The following KIAA1671 variants were observed in gnomAD, a reference collection of about 807,000 sequenced individuals.
KIAA1671 encodes KIAA1671.
KIAA1671 carries 52 observed loss-of-function variants against 131.2 expected under a neutral mutation model. The observed-to-expected ratio is 0.40, with a 90% CI of 0.32 to 0.50. The LOEUF is 0.50. Among genes scored for constraint, KIAA1671 ranks in the 20% least tolerant of loss-of-function variants. KIAA1671 has a pLI of 0.73. For missense variants in KIAA1671, 2,360 were observed against 2,364.2 expected (o/e 1.00, Z 0.04); for synonymous variants, 1,003 against 961.6 (o/e 1.04, Z -0.80).
chr22:25,108,058 A>G (rs1931120546), intron 6 of KIAA1671, among the ~76,000 whole-genome samples: 1 of 152,164 alleles, frequency 6.6e-6, no homozygotes, highest in Non-Finnish European at 1.5e-5. Flanking sequence ...TTCAATATGT[A>G]TGTCATTAAC....
chr22:25,114,866 C>T (rs769576013), intron 6 of KIAA1671, among the ~76,000 whole-genome samples: 24 of 152,174 alleles, frequency 1.6e-4, no homozygotes, highest in Non-Finnish European at 3.1e-4. Context: ...GTATCCGTGG[C>T]TGGGGCTGGG....
chr22:25,042,468 T>TTTG (rs1602092351), intron 5 of KIAA1671, among the ~76,000 whole-genome samples: 1 of 145,390 alleles, frequency 6.9e-6, no homozygotes, highest in Non-Finnish European at 1.5e-5. Context: ...CCCTTGTTTT[T>TTTG]TTTTTTTTTT....
In KIAA1671 at chr22:25,029,299, A is replaced by G; in HGVS notation, c.1300A>G (p.Arg434Gly). Reference protein sequence around the residue: ...EAAAGGEWASRRSVRKCISLF... With the variant: ...EAAAGGEWASGRSVRKCISLF... ...CGCGGCAGGGGGAGAGTGGGCCTCC[A>G]GGAGGAGTGTCAGGAAGTGCATCAG... is the stretch of plus-strand genomic sequence containing the variant. The change falls in exon 3 of 13, where the codon AGG becomes GGG. Residue 434 changes from arginine (R) to glycine (G), a missense_variant. Arg to Gly is a moderately radical substitution (Grantham distance 125). Around this residue, in one of 3 missense-constraint regions of KIAA1671, gnomAD observed 1,185 missense variants for 1,126.2 expected, o/e 1.05. Coordinates refer to ENST00000358431, the MANE Select transcript of KIAA1671 (RefSeq NM_001145206.2). 3 of 1,527,288 alleles carry G rather than the reference A, an allele frequency of 2.0e-6. No homozygotes were observed. Among genetic ancestry groups the G allele is most frequent in the Non-Finnish European group, 1.8e-6 (2 of 1,132,562 alleles). 94.6% of individuals were successfully genotyped at this position (1,527,288 alleles called of 1,614,324 possible).
intron 1 of KIAA1671, among the ~76,000 whole-genome samples, chr22:24,995,046 GTTT>G (rs199745960): frequency 2.2e-5 from 3 of 136,482 alleles, no homozygotes; most frequent in South Asian, 2.4e-4. Flanking sequence ...TGTATGTTAG[GTTT>G]TTTTTTTTTT....
chr22:25,055,786 A>G lies in KIAA1671; in HGVS notation c.4530+6422A>G, dbSNP rs1481336419. 5 of 113,810 alleles carry G rather than the reference A, an allele frequency of 4.4e-5. 2 individuals carry two copies. The South Asian group carries it at 1.2e-3, about 28-fold the overall frequency. 7.1% of individuals were successfully genotyped at this position (113,810 alleles called of 1,614,324 possible). The stretch of plus-strand genomic sequence containing the variant: ...GGAATACATACACACAAACATATAT[A>G]TAGATAGATATAGATAGATATAGAT... On this transcript the variant is annotated intron_variant, in intron 6 of 12. Coordinates refer to ENST00000358431, the MANE Select transcript of KIAA1671 (RefSeq NM_001145206.2).
chr22:25,029,171 A>G lies in KIAA1671; in HGVS notation c.1172A>G (p.Lys391Arg). 6.9e-7 allele frequency: 1 copy of G among 1,456,730 alleles called. No homozygotes were observed. The highest frequency in any genetic ancestry group is 9.1e-7 in the Non-Finnish European group (1 of 1,102,040). The allele number at this position is 1,456,730 out of a possible 1,614,324, so 90.2% of individuals were successfully genotyped here. A position where few individuals can be genotyped will look rare whatever the true frequency, so the allele number is the denominator to read the frequency against. Residue 391 changes from lysine to arginine, a missense_variant, in exon 3 of 13, where the codon AAG (lysine) becomes AGG (arginine). By Grantham distance (26) the Lys-to-Arg change is conservative. This residue lies in a region of KIAA1671 where 1,185 missense variants were observed against 1,126.2 expected (regional missense o/e 1.05). Coordinates refer to ENST00000358431, the MANE Select transcript of KIAA1671 (RefSeq NM_001145206.2). ...CAGAGTCCCTGGGAAGAAAAGGCCA[A>G]GCTGGACCCAGAGCCAGAGAAGGCT... ...NDQSPWEEKA[K>R]LDPEPEKAAE...
intron 1 of KIAA1671, among the ~76,000 whole-genome samples, chr22:25,018,285 A>T (rs17667326): frequency 8.0e-5 from 3 of 37,482 alleles, no homozygotes; most frequent in Non-Finnish European, 1.7e-4. Flanking sequence ...CTTTTAATAG[A>T]GATTCGCCTG....
chr22:25,070,383 C>T, intron 6 of KIAA1671: 1 of 513,860 alleles, frequency 1.9e-6, no homozygotes, highest in Non-Finnish European at 3.6e-6. Context: ...ATTACTACTG[C>T]CCCAGCCTGC....
intron 6 of KIAA1671, among the ~76,000 whole-genome samples, chr22:25,093,732 C>CTCTCTCTCTCTCTG (rs759879869): frequency 9.0e-6 from 1 of 111,602 alleles, no homozygotes; most frequent in Non-Finnish European, 1.8e-5. Context: ...CACACACACA[C>CTCTCTCTCTCTCTG]ACACACTCTC....
intron 6 of KIAA1671, among the ~76,000 whole-genome samples, chr22:25,126,526 G>T (rs1932192928): frequency 6.6e-6 from 1 of 152,222 alleles, no homozygotes; most frequent in African/African-American, 2.4e-5. Context: ...GTTTTTAAAT[G>T]AGCCCTAGGT....
At chr22:24,985,379 A>T (rs959175825) in intron 1 of KIAA1671, among the ~76,000 whole-genome samples, 2 of 150,242 alleles carry the variant, frequency 1.3e-5, no homozygotes, top group Non-Finnish European at 3.0e-5. Flanking sequence ...TCGCTCTGTC[A>T]CCCAGGCTGG....
rs566075444 is a variant in KIAA1671 at position 25,143,187 on chromosome 22, G to A, written c.4531-27633G>A. On this transcript the variant is annotated intron_variant, in intron 6 of 12. Transcript: ENST00000358431. ...GTGAGTGACATTCACCTTCCCTTCAGGGAGTTGCCAGTCAGCCAGGGGAAG... is the reference window on the plus strand; with the variant it reads ...GTGAGTGACATTCACCTTCCCTTCAAGGAGTTGCCAGTCAGCCAGGGGAAG... 5.7e-4 allele frequency among the ~76,000 whole-genome samples: 87 copies of A among 152,332 alleles called. 1 individual carries two copies. The highest frequency in any genetic ancestry group is 2.0e-3 in the African/African-American group (84 of 41,574).
rs1926352290 is a variant in KIAA1671 at position 25,032,555 on chromosome 22, T to TG, written c.1542-48dup. On this transcript the variant is annotated intron_variant, in intron 3 of 12. Transcript: ENST00000358431. Reference sequence around the variant, plus strand: ...TGGCCTCCTGAGCTGGTGTGTGGGCTGGGGGGAATAACAGCTTCCAGCTCC... The same window carrying TG: ...TGGCCTCCTGAGCTGGTGTGTGGGCTGGGGGGGAATAACAGCTTCCAGCTCC... The TG allele has an allele frequency of 3.4e-6, 4 of 1,167,028 alleles. No homozygotes were observed. In the African/African-American group the frequency reaches 6.1e-5, roughly 18 times the overall value. The allele number at this position is 1,167,028 out of a possible 1,614,324, so 72.3% of individuals were successfully genotyped here. A position where few individuals can be genotyped will look rare whatever the true frequency, so the allele number is the denominator to read the frequency against.
intron 6 of KIAA1671, among the ~76,000 whole-genome samples, chr22:25,115,502 G>A (rs1931604957): frequency 1.3e-5 from 2 of 152,096 alleles, no homozygotes; most frequent in Non-Finnish European, 2.9e-5. Flanking sequence ...CTGGTGGGTG[G>A]TTCAATGGGA....
chr22:25,124,156 T>C (rs1029124847), intron 6 of KIAA1671, among the ~76,000 whole-genome samples: 8 of 152,172 alleles, frequency 5.3e-5, no homozygotes, highest in African/African-American at 1.9e-4. Flanking sequence ...TCTCCCAGCA[T>C]GGGATGGAAT....
At chr22:25,147,135 G>A (rs1932893754) in intron 6 of KIAA1671, among the ~76,000 whole-genome samples, 1 of 151,362 alleles carries the variant, frequency 6.6e-6, no homozygotes, top group South Asian at 2.1e-4. Context: ...GTGCCATGCA[G>A]CATTTTATTT....
chr22:25,126,107 A>G (rs1170598022), intron 6 of KIAA1671, among the ~76,000 whole-genome samples: 2 of 152,210 alleles, frequency 1.3e-5, no homozygotes, highest in African/African-American at 4.8e-5. Flanking sequence ...GGGGAGGTTC[A>G]GATGGGGGCA....
intron 6 of KIAA1671, among the ~76,000 whole-genome samples, chr22:25,069,318 T>A (rs1928680872): frequency 6.6e-6 from 1 of 152,120 alleles, no homozygotes; most frequent in South Asian, 2.1e-4. Context: ...GAGGATGAGG[T>A]GACTTGCTAA....
chr22:24,971,673 C>T (rs996784528), intron 1 of KIAA1671, among the ~76,000 whole-genome samples: 2 of 152,124 alleles, frequency 1.3e-5, no homozygotes, highest in Non-Finnish European at 2.9e-5. Flanking sequence ...GGTGATCCAT[C>T]TGGCTGCTGT....
Sources: allele counts gnomAD v4.1 joint callset (sites outside exome capture counted in the v4.1 genomes callset), GRCh38; gene constraint gnomAD v4.1.1; regional missense constraint gnomAD v4.1.1; transcripts MANE v1.5; gene names NCBI Gene and HGNC (gene_info 2026-07-23, HGNC 2026-07-21).